RBM10: variants seen among roughly 807,000 people sequenced by gnomAD.
The protein encoded by RBM10 is RNA-binding protein 10.
A neutral mutation model predicts 84.9 loss-of-function variants in RBM10; 1 was observed. The observed-to-expected ratio is 0.01, with a 90% CI of 0.00 to 0.06. The LOEUF (loss-of-function observed/expected upper bound fraction) is 0.06, where lower values mean the gene tolerates loss of function less well. RBM10 is among the 10% of genes least tolerant of loss of function. The pLI is 1.00. For missense variants in RBM10, 438 were observed against 839.0 expected (o/e 0.52, Z 5.90); for synonymous variants, 326 against 344.5 (o/e 0.95, Z 0.60).
intron 3 of RBM10, 35 bp from the exon 4 acceptor site, chrX:47,170,993 C>T: frequency 8.4e-7 from 1 of 1,189,836 alleles, no homozygotes; most frequent in Non-Finnish European, 1.1e-6. Flanking sequence ...GACTGACTGC[C>T]CGTCTGGTGT....
Position 47,147,513 on chromosome X carries a change from C to T in RBM10, c.17+15C>T, listed in dbSNP as rs373509784. The T allele has an allele frequency of 3.6e-5, 43 of 1,208,500 alleles. No homozygotes were observed. Among genetic ancestry groups the T allele is most frequent in the Non-Finnish European group, 4.6e-5 (41 of 893,792 alleles). ...TATGAAAGACGGTGAGTTATCTGTT[C>T]TCAGCTTCCCAGACAGCCTAGGCTT... On this transcript the variant is annotated intron_variant, in intron 2 of 23. Transcript: ENST00000377604.
At chrX:47,157,995 T>C in intron 2 of RBM10, 1 of 181,525 alleles carries the variant, frequency 5.5e-6, no homozygotes, top group Non-Finnish European at 1.0e-5. Flanking sequence ...AGGCTGGTCT[T>C]GAACTCTCGA....
At position 47,148,000 on chromosome X, in the gene RBM10, C is replaced by T. The variant is rs1004516529; in HGVS notation, c.17+502C>T. ...GGAACACTGGGTAAAATACAGAAAT[C>T]CTGAGTAAAATTCAGTGATCCCTCG... is the stretch of plus-strand genomic sequence containing the variant. On this transcript the variant is annotated intron_variant, in intron 2 of 23. Coordinates refer to ENST00000377604, the MANE Select transcript of RBM10 (RefSeq NM_005676.5). 5.4e-5 allele frequency among the ~76,000 whole-genome samples: 6 copies of T among 111,411 alleles called. No homozygotes were observed. In the Admixed American group the frequency reaches 5.7e-4, roughly 11 times the overall value.
intron 2 of RBM10, chrX:47,157,074 C>T (rs1556765400): frequency 7.1e-6 from 2 of 281,245 alleles, no homozygotes; most frequent in East Asian, 9.6e-5. Flanking sequence ...CAGTGCCTGC[C>T]GCAGGGCCCG....
chrX:47,145,314 T>A lies in RBM10; in HGVS notation c.-297T>A. ...CCGGCTGGGAGTAGGCGGCAGTGAGTTTCCCTGGGAGGGCAGCGCGCTTGG... is the reference window on the plus strand; with the variant it reads ...CCGGCTGGGAGTAGGCGGCAGTGAGATTCCCTGGGAGGGCAGCGCGCTTGG... On this transcript the variant is annotated 5_prime_UTR_variant, in exon 1 of 24. Transcript: ENST00000377604. 1.4e-6 allele frequency: 1 copy of A among 732,341 alleles called. No homozygotes were observed. Among genetic ancestry groups the A allele is most frequent in the East Asian group, 3.5e-5 (1 of 28,458 alleles). The allele number at this position is 732,341 out of a possible 1,213,427, so 60.4% of individuals were successfully genotyped here.
chrX:47,166,814 C>T (rs1816556953), intron 2 of RBM10, among the ~76,000 whole-genome samples: 3 of 105,407 alleles, frequency 2.8e-5, no homozygotes, highest in African/African-American at 3.5e-5. Flanking sequence ...CTCGCTCTGT[C>T]GCCCAAGCTG....
At chrX:47,155,141 C>CCTCT (rs2147088871) in intron 2 of RBM10, among the ~76,000 whole-genome samples, 2 of 94,726 alleles carry the variant, frequency 2.1e-5, no homozygotes, top group South Asian at 1.1e-3. Context: ...TGCGAGACTC[C>CCTCT]CTCTCAAAAA....
chrX:47,151,143 A>G (rs1420493851), intron 2 of RBM10, among the ~76,000 whole-genome samples: 1 of 106,752 alleles, frequency 9.4e-6, no homozygotes, highest in Non-Finnish European at 1.9e-5. Flanking sequence ...GGCTCAAGTG[A>G]TCTTCCTACC....
chrX:47,153,393 G>T (rs1345715428), intron 2 of RBM10, among the ~76,000 whole-genome samples: 9 of 111,085 alleles, frequency 8.1e-5, no homozygotes, highest in African/African-American at 2.9e-4. Context: ...ATCTGAAACA[G>T]TTATTCTATC....
chrX:47,169,563 G>T, intron 3 of RBM10, 65 bp downstream of exon 3: 1 of 1,081,242 alleles, frequency 9.2e-7, no homozygotes. Flanking sequence ...TCTGTGTCTG[G>T]CTGCAGCACC....
chrX:47,145,466 T>G lies in RBM10; in HGVS notation c.-145T>G, dbSNP rs781798954. On this transcript the variant is annotated 5_prime_UTR_variant, in exon 1 of 24. Coordinates refer to ENST00000377604, the MANE Select transcript of RBM10 (RefSeq NM_005676.5). ...GAGGTGATGTCTGGGAGCCCTTCCT[T>G]GACAGCCCGGGCCGAGAAGGTGAGC... 7.8e-6 allele frequency: 9 copies of G among 1,151,643 alleles called. No individual in the cohort carries two copies. The South Asian group carries it at 1.7e-4, about 22-fold the overall frequency. 94.9% of individuals were successfully genotyped at this position (1,151,643 alleles called of 1,213,427 possible).
chrX:47,165,229 T>A (rs1556768392), intron 2 of RBM10, among the ~76,000 whole-genome samples: 1 of 111,611 alleles, frequency 9.0e-6, no homozygotes, highest in East Asian at 2.8e-4. Context: ...TAATTAAGAA[T>A]GGTTGGCTGG....
chrX:47,156,520 T>G (rs6611340), intron 2 of RBM10: 1 of 116,747 alleles, frequency 8.6e-6, no homozygotes, highest in East Asian at 2.8e-4. Context: ...AAAATCAGGT[T>G]AAAGTTAAGA....
At chrX:47,180,843 C>A (rs142214955) in intron 12 of RBM10, among the ~76,000 whole-genome samples, 1 of 111,162 alleles carries the variant, frequency 9.0e-6, no homozygotes, top group Non-Finnish European at 1.9e-5. Context: ...ATGATATACA[C>A]GTATCATATG....
intron 2 of RBM10, among the ~76,000 whole-genome samples, chrX:47,153,715 C>T (rs1932889071): frequency 1.8e-5 from 2 of 111,553 alleles, no homozygotes; most frequent in Non-Finnish European, 1.9e-5. Context: ...ATTGGGCAGC[C>T]TTTGTTATTC....
At chrX:47,155,730 C>CAA (rs1245227933) in intron 2 of RBM10, among the ~76,000 whole-genome samples, 3 of 28,760 alleles carry the variant, frequency 1.0e-4, no homozygotes, top group Non-Finnish European at 2.0e-4. Flanking sequence ...GACTCCATCT[C>CAA]AAAAAAAAAA....
intron 1 of RBM10, among the ~76,000 whole-genome samples, chrX:47,146,651 G>A (rs1487328002): frequency 9.0e-6 from 1 of 110,603 alleles, no homozygotes; most frequent in African/African-American, 3.3e-5. Context: ...CTCCAAAAGG[G>A]CCCCTTTTGC....
Position 47,173,666 on chromosome X carries a change from C to G in RBM10, c.502+469C>G, listed in dbSNP as rs1427754683. On this transcript the variant is annotated intron_variant, in intron 5 of 23. Transcript: ENST00000377604. ...GGGGAAGCAGGGGATGGCTCTTATC[C>G]AAGGACACATCCCAAGGAACAGCCA... is the stretch of plus-strand genomic sequence containing the variant. Among the ~76,000 whole-genome samples the G allele has an allele frequency of 6.2e-5, 7 of 112,326 alleles. No homozygotes were observed. The East Asian group carries it at 2.0e-3, about 32-fold the overall frequency.
intron 3 of RBM10, among the ~76,000 whole-genome samples, chrX:47,170,524 C>T (rs994205217): frequency 7.1e-5 from 8 of 112,984 alleles, no homozygotes; most frequent in Non-Finnish European, 1.5e-4. Flanking sequence ...GCAGCCCTCA[C>T]ACCACCTCCA....
Sources: gnomAD v4.1 joint callset for allele counts (sites outside exome capture counted in the v4.1 genomes callset) on GRCh38, gnomAD v4.1.1 for gene constraint, MANE v1.5 for transcripts, NCBI Gene and HGNC (gene_info 2026-07-23, HGNC 2026-07-21) for gene names.